ANK3: variants seen among roughly 807,000 people sequenced by gnomAD.
ANK3 encodes ankyrin 3.
In ANK3, 57 loss-of-function variants were observed where a neutral mutation model predicts 370.9. That is an observed-to-expected ratio of 0.15 (90% CI 0.12 to 0.19). The LOEUF is 0.19. ANK3 is among the 10% of genes least tolerant of loss of function. The pLI is 1.00. For synonymous variants in ANK3, 1,929 were observed against 1,946.3 expected, an observed-to-expected ratio of 0.99 and a Z score of 0.23; for missense variants, 4,439 against 5,302.1, an observed-to-expected ratio of 0.84 and a Z score of 5.06.
chr10:60,544,799 T>C (rs1224391460), intron 2 of ANK3, among the ~76,000 whole-genome samples: 1 of 152,130 alleles, frequency 6.6e-6, no homozygotes, highest in African/African-American at 2.4e-5. Flanking sequence ...GTCTAAATAT[T>C]CATCACCAAT....
At chr10:60,386,054 C>T (rs1453542993) in intron 1 of ANK3, among the ~76,000 whole-genome samples, 2 of 152,170 alleles carry the variant, frequency 1.3e-5, no homozygotes, top group African/African-American at 2.4e-5. Context: ...CCCATCATGG[C>T]TTTATGGTAG....
chr10:60,081,305 G>A (rs1461237337), intron 35 of ANK3, among the ~76,000 whole-genome samples: 14 of 151,998 alleles, frequency 9.2e-5, no homozygotes, highest in African/African-American at 2.2e-4. Context: ...GGCTGGTGTC[G>A]AACTCCTGAC....
chr10:60,682,368 TA>T (rs1554808474), intron 1 of ANK3, among the ~76,000 whole-genome samples: 1 of 149,844 alleles, frequency 6.7e-6, no homozygotes, highest in Non-Finnish European at 1.5e-5. Context: ...CCTGTTGATT[TA>T]AAACAAGAAA....
intron 2 of ANK3, among the ~76,000 whole-genome samples, chr10:60,523,754 C>A (rs186015203): frequency 1.3e-5 from 2 of 151,924 alleles, no homozygotes; most frequent in African/African-American, 4.8e-5. Flanking sequence ...TGGGTATATA[C>A]CCAGTAATGG....
At chr10:60,362,410 ATTGT>A (rs1224609866) in intron 1 of ANK3, among the ~76,000 whole-genome samples, 2 of 152,202 alleles carry the variant, frequency 1.3e-5, no homozygotes, top group Non-Finnish European at 2.9e-5. Context: ...AACCGCACTG[ATTGT>A]TATGCTGAGC....
At chr10:60,579,553 C>T (rs888059757) in intron 2 of ANK3, among the ~76,000 whole-genome samples, 3 of 152,012 alleles carry the variant, frequency 2.0e-5, no homozygotes, top group Non-Finnish European at 4.4e-5. Flanking sequence ...AAAAATGATA[C>T]TGACATTAAA....
intron 1 of ANK3, among the ~76,000 whole-genome samples, chr10:60,317,537 GTATC>G (rs1490919363): frequency 1.3e-5 from 2 of 152,054 alleles, no homozygotes; most frequent in East Asian, 3.9e-4. Context: ...ACTTTTGTAT[GTATC>G]TATTTTTAAA....
At chr10:60,308,853 T>C (rs1420087040) in intron 1 of ANK3, among the ~76,000 whole-genome samples, 1 of 152,088 alleles carries the variant, frequency 6.6e-6, no homozygotes, top group African/African-American at 2.4e-5. Flanking sequence ...TTATCCCTAA[T>C]AGAAAGCAGT....
chr10:60,356,646 C>A (rs982900081), intron 1 of ANK3, among the ~76,000 whole-genome samples: 9 of 152,194 alleles, frequency 5.9e-5, no homozygotes, highest in Admixed American at 2.6e-4. Context: ...TCTCACCTCA[C>A]CTAATATCCA....
At chr10:60,331,434 CAG>C (rs1257588349) in intron 1 of ANK3, among the ~76,000 whole-genome samples, 26 of 151,842 alleles carry the variant, frequency 1.7e-4, no homozygotes, top group African/African-American at 3.1e-4. Flanking sequence ...CAAAATGAAA[CAG>C]TGTTTTTCTC....
intron 1 of ANK3, among the ~76,000 whole-genome samples, chr10:60,361,119 C>T (rs2058540878): frequency 6.6e-6 from 1 of 152,184 alleles, no homozygotes; most frequent in Non-Finnish European, 1.5e-5. Flanking sequence ...AGAATCAAGA[C>T]ATTGGATCAA....
intron 24 of ANK3, among the ~76,000 whole-genome samples, chr10:60,134,847 T>C (rs1386494106): frequency 6.6e-6 from 1 of 152,252 alleles, no homozygotes; most frequent in East Asian, 1.9e-4. Context: ...TTGCTACTCA[T>C]AGAAAACATC....
chr10:60,075,073 T>G lies in ANK3; in HGVS notation c.5808A>C (p.Glu1936Asp), dbSNP rs1397840640. Residue 1936 changes from glutamate to aspartate, a missense_variant, in exon 37 of 44, where the codon GAA (glutamate) becomes GAC (aspartate). Coordinates refer to ENST00000280772, the MANE Select transcript of ANK3 (RefSeq NM_020987.5). ...AAGGTTCTTCATCATCTATTCTCCC[T>G]TCCTTTGGGAGTTCAGGTTGGAATG... ...EKPFQPELPK[E>D]GRIDDEEPFK... 1 of 1,613,964 alleles carries G rather than the reference T, an allele frequency of 6.2e-7. No homozygotes were observed. The highest frequency in any genetic ancestry group is 1.3e-5 in the African/African-American group (1 of 74,954).
chr10:60,349,914 T>C (rs1170356116), intron 1 of ANK3, among the ~76,000 whole-genome samples: 2 of 152,176 alleles, frequency 1.3e-5, no homozygotes, highest in Non-Finnish European at 2.9e-5. Context: ...GACCATAAAG[T>C]AACGGACTTG....
chr10:60,369,928 A>G (rs1162752220), intron 1 of ANK3, among the ~76,000 whole-genome samples: 1 of 152,170 alleles, frequency 6.6e-6, no homozygotes, highest in East Asian at 1.9e-4. Flanking sequence ...TTAGAAAATT[A>G]GTCTCATGGA....
chr10:60,357,779 A>G (rs1212264662), intron 1 of ANK3, among the ~76,000 whole-genome samples: 1 of 152,100 alleles, frequency 6.6e-6, no homozygotes, highest in East Asian at 1.9e-4. Context: ...CTCATACTTC[A>G]TAGAGAAAAT....
chr10:60,572,656 C>T (rs1325942956), intron 2 of ANK3: 2 of 1,450,540 alleles, frequency 1.4e-6, no homozygotes, highest in East Asian at 2.5e-5. Flanking sequence ...GCAAAGCAGC[C>T]GCTGCTTAAA....
chr10:60,063,649 T>C (rs72818480), intron 39 of ANK3, among the ~76,000 whole-genome samples: 10,883 of 152,312 alleles, frequency 0.071, 540 homozygotes, highest in Non-Finnish European at 0.11. Context: ...AATAATTTAT[T>C]CCACATTGTT....
At chr10:60,420,736 C>T (rs975991952) in intron 2 of ANK3, among the ~76,000 whole-genome samples, 1 of 151,984 alleles carries the variant, frequency 6.6e-6, no homozygotes, top group Non-Finnish European at 1.5e-5. Context: ...TATCTTCTGG[C>T]TTGGGAGGAA....
Sources: allele counts gnomAD v4.1 joint callset (sites outside exome capture counted in the v4.1 genomes callset), GRCh38; gene constraint gnomAD v4.1.1; transcripts MANE v1.5; gene names NCBI Gene and HGNC (gene_info 2026-07-23, HGNC 2026-07-21).